The following ROBO1 variants were observed in gnomAD, a reference collection of about 807,000 sequenced individuals.
ROBO1 encodes the protein roundabout guidance receptor 1.
ROBO1 carries 149 observed loss-of-function variants against 195.9 expected under a neutral mutation model. That is an observed-to-expected ratio of 0.76 (90% CI 0.67 to 0.87). The LOEUF is 0.87. ROBO1 is among the 40% of genes least tolerant of loss of function. ROBO1 has a pLI of 0.00. For missense variants in ROBO1, 1,933 were observed against 2,068.3 expected (o/e 0.93, Z 1.27); for synonymous variants, 816 against 733.2 (o/e 1.11, Z -1.82).
At chr3:78,925,456 G>C (rs900736268) in intron 4 of ROBO1, among the ~76,000 whole-genome samples, 21 of 152,180 alleles carry the variant, frequency 1.4e-4, no homozygotes, top group Admixed American at 6.5e-5. Context: ...GGAAAAAAAT[G>C]AGGCATAAGG....
intron 3 of ROBO1, among the ~76,000 whole-genome samples, chr3:78,945,164 G>A (rs2040358560): frequency 6.6e-6 from 1 of 152,190 alleles, no homozygotes; most frequent in South Asian, 2.1e-4. Flanking sequence ...CAGCTTTGAA[G>A]AGAGTAGTGG....
intron 1 of ROBO1, among the ~76,000 whole-genome samples, chr3:79,641,507 C>A (rs1374787450): frequency 1.3e-5 from 2 of 151,618 alleles, no homozygotes; most frequent in African/African-American, 2.4e-5. Flanking sequence ...TGTAACTAAC[C>A]TGCACAATGT....
At chr3:79,559,714 C>T (rs139540105) in intron 2 of ROBO1, among the ~76,000 whole-genome samples, 17 of 152,116 alleles carry the variant, frequency 1.1e-4, no homozygotes, top group African/African-American at 3.9e-4. Flanking sequence ...GTCAGGATTT[C>T]GAGACCAGCC....
At chr3:79,518,693 A>C (rs1025063591) in intron 2 of ROBO1, among the ~76,000 whole-genome samples, 1 of 151,810 alleles carries the variant, frequency 6.6e-6, no homozygotes, top group Admixed American at 6.6e-5. Context: ...TATTATTATT[A>C]TTTTTAGATG....
chr3:78,624,193 A>G (rs28452639), intron 26 of ROBO1, among the ~76,000 whole-genome samples: 36,276 of 152,092 alleles, frequency 0.24, 4,613 homozygotes, highest in East Asian at 0.43. Context: ...TAAGTAGAGA[A>G]GAAAGATTGA....
rs60574193 is a variant in ROBO1 at position 78,699,395 on chromosome 3, CAAAAAAAA to C, written c.1046-10631_1046-10624del. Reference sequence around the variant, plus strand: ...GGAAACCCCGTCTCTACTAAAAATACAAAAAAAAAAAAAAAAAAAAAAAATTAGCCAGG... The same window carrying C: ...GGAAACCCCGTCTCTACTAAAAATACAAAAAAAAAAAAAAAATTAGCCAGG... On this transcript the variant is annotated intron_variant, in intron 8 of 30. Transcript: ENST00000464233. Among the ~76,000 whole-genome samples the C allele has an allele frequency of 4.0e-3, 336 of 83,054 alleles. 2 individuals are homozygous for C. The highest frequency in any genetic ancestry group is 0.022 in the Middle Eastern group (2 of 92). The allele number at this position is 83,054 out of a possible 152,430, so 54.5% of individuals were successfully genotyped here.
intron 24 of ROBO1, among the ~76,000 whole-genome samples, chr3:78,632,187 A>T (rs1705225409): frequency 6.6e-6 from 1 of 152,190 alleles, no homozygotes; most frequent in African/African-American, 2.4e-5. Context: ...TCAGTGCATT[A>T]TGTTGGCCTT....
chr3:79,344,821 G>C (rs770037246), intron 2 of ROBO1, among the ~76,000 whole-genome samples: 1 of 152,070 alleles, frequency 6.6e-6, no homozygotes, highest in Non-Finnish European at 1.5e-5. Flanking sequence ...GAAGCATTTG[G>C]ACTCTGGGGG....
In ROBO1 at chr3:79,609,876, G is replaced by T. The variant is rs371747956; in HGVS notation, c.-50-19915C>A. On this transcript the variant is annotated intron_variant, in intron 1 of 30. Coordinates refer to ENST00000464233, the MANE Select transcript of ROBO1 (RefSeq NM_002941.4). ...GAAAATGAGGAGTTATTGTTTAAAG[G>T]GTATATGATTTCCATTTTGCAAGAT... Among the ~76,000 whole-genome samples the T allele has an allele frequency of 3.3e-5, 5 of 151,906 alleles. No homozygotes were observed. In the South Asian group the frequency reaches 1.0e-3, roughly 32 times the overall value.
chr3:79,511,371 T>G (rs1051059247), intron 2 of ROBO1, among the ~76,000 whole-genome samples: 3 of 152,278 alleles, frequency 2.0e-5, no homozygotes, highest in South Asian at 2.1e-4. Flanking sequence ...GGAAGAAAAT[T>G]TGGATTCCTT....
intron 3 of ROBO1, among the ~76,000 whole-genome samples, chr3:78,960,771 C>T (rs911325131): frequency 3.2e-5 from 4 of 126,764 alleles, no homozygotes; most frequent in Middle Eastern, 4.2e-3. Context: ...AGCGAGACTC[C>T]GTATTAAAAC....
At chr3:79,557,857 A>G (rs914952310) in intron 2 of ROBO1, among the ~76,000 whole-genome samples, 11 of 151,464 alleles carry the variant, frequency 7.3e-5, no homozygotes, top group African/African-American at 1.5e-4. Flanking sequence ...TTTCCAGAGC[A>G]TGACATCATG....
chr3:78,855,285 T>C (rs2034344528), intron 4 of ROBO1, among the ~76,000 whole-genome samples: 4 of 152,280 alleles, frequency 2.6e-5, no homozygotes, highest in Admixed American at 1.3e-4. Context: ...AGAACCTAAG[T>C]GCCCAAGTTA....
intron 4 of ROBO1, among the ~76,000 whole-genome samples, chr3:78,769,407 G>T (rs1239639533): frequency 6.6e-6 from 1 of 152,034 alleles, no homozygotes; most frequent in Non-Finnish European, 1.5e-5. Context: ...GTGTCCATTT[G>T]CATGAAATGC....
chr3:78,598,934 G>GAGAT lies in ROBO1; in HGVS notation c.4942-11_4942-8dup. ...GTCTTCAGCTTTCAGTTTCCTGTAA[G>GAGAT]AGATACGTTATTGTCACATTTGAAA... On this transcript the variant is annotated splice_region_variant and splice_polypyrimidine_tract_variant and intron_variant, in intron 30 of 30. Transcript: ENST00000464233. The GAGAT allele has an allele frequency of 6.4e-7, 1 of 1,556,290 alleles. No homozygotes were observed. The highest frequency in any genetic ancestry group is 8.8e-7 in the Non-Finnish European group (1 of 1,141,832).
intron 2 of ROBO1, among the ~76,000 whole-genome samples, chr3:79,129,821 G>A (rs923224713): frequency 6.6e-5 from 10 of 151,234 alleles, no homozygotes; most frequent in East Asian, 2.0e-4. Context: ...TAGGTCTAAC[G>A]TTTAAATCTT....
chr3:79,122,602 T>G (rs535340465), intron 3 of ROBO1, among the ~76,000 whole-genome samples: 97 of 152,000 alleles, frequency 6.4e-4, no homozygotes, highest in Non-Finnish European at 1.1e-3. Context: ...GATTTTAAGA[T>G]ATGTGTATGA....
chr3:79,608,937 T>A (rs1944572163), intron 1 of ROBO1, among the ~76,000 whole-genome samples: 1 of 151,936 alleles, frequency 6.6e-6, no homozygotes, highest in Non-Finnish European at 1.5e-5. Flanking sequence ...TGAATGGGAT[T>A]AAGTTTCTTA....
chr3:78,749,820 T>C (rs1027644462), intron 4 of ROBO1, among the ~76,000 whole-genome samples: 2 of 152,206 alleles, frequency 1.3e-5, no homozygotes, highest in African/African-American at 2.4e-5. Context: ...CCTTTAACCA[T>C]TTCTATTAAC....
Sources: allele counts gnomAD v4.1 joint callset (sites outside exome capture counted in the v4.1 genomes callset), GRCh38; gene constraint gnomAD v4.1.1; transcripts MANE v1.5; gene names NCBI Gene and HGNC (gene_info 2026-07-23, HGNC 2026-07-21).